CSMD1: variants seen among roughly 807,000 people sequenced by gnomAD.
CSMD1 encodes the protein CUB and Sushi multiple domains 1, also known as CUB and sushi domain-containing protein 1.
CSMD1 carries 213 observed loss-of-function variants against 417.5 expected under a neutral mutation model. That is an observed-to-expected ratio of 0.51 (90% CI 0.46 to 0.57). The LOEUF is 0.57. CSMD1 is among the 20% of genes least tolerant of loss of function. CSMD1 has a pLI of 0.00. For missense variants in CSMD1, 6,923 were observed against 4,529.7 expected, an observed-to-expected ratio of 1.53 and a Z score of -15.17; for synonymous variants, 2,862 against 1,736.8, an observed-to-expected ratio of 1.65 and a Z score of -16.11.
chr8:3,015,134 T>G (rs1158479514), intron 52 of CSMD1, among the ~76,000 whole-genome samples: 2 of 152,148 alleles, frequency 1.3e-5, no homozygotes, highest in African/African-American at 2.4e-5. Context: ...GCATCCATTT[T>G]CATACCAGTT....
chr8:3,567,527 G>A (rs1446753521), intron 10 of CSMD1, among the ~76,000 whole-genome samples: 2 of 149,858 alleles, frequency 1.3e-5, no homozygotes, highest in Non-Finnish European at 3.0e-5. Context: ...GGAAGGGGAT[G>A]GGGGAGGGGA....
intron 11 of CSMD1, among the ~76,000 whole-genome samples, chr8:3,473,623 GA>G (rs1327050889): frequency 6.6e-6 from 1 of 152,128 alleles, no homozygotes; most frequent in Non-Finnish European, 1.5e-5. Flanking sequence ...AATAATACCT[GA>G]AAAATAAAAT....
chr8:3,037,002 G>C (rs908647879), intron 50 of CSMD1, among the ~76,000 whole-genome samples: 48 of 152,088 alleles, frequency 3.2e-4, no homozygotes, highest in Admixed American at 3.0e-3. Flanking sequence ...AGTCCCCAGA[G>C]TCCACTGTAT....
At chr8:4,327,703 T>C (rs1382932529) in intron 3 of CSMD1, among the ~76,000 whole-genome samples, 1 of 152,200 alleles carries the variant, frequency 6.6e-6, no homozygotes, top group African/African-American at 2.4e-5. Flanking sequence ...ACATAGGTAT[T>C]AGAAGTTTAA....
chr8:4,580,804 A>T (rs1799378149), intron 2 of CSMD1, among the ~76,000 whole-genome samples: 1 of 152,220 alleles, frequency 6.6e-6, no homozygotes, highest in Non-Finnish European at 1.5e-5. Flanking sequence ...ATTATATCCT[A>T]TCTTAAAAAG....
At chr8:4,905,323 A>G (rs530167216) in intron 1 of CSMD1, among the ~76,000 whole-genome samples, 3 of 152,290 alleles carry the variant, frequency 2.0e-5, no homozygotes, top group African/African-American at 7.2e-5. Context: ...TGTGTCAAGT[A>G]ATATCATAAA....
intron 46 of CSMD1, among the ~76,000 whole-genome samples, chr8:3,103,739 CT>C (rs35949402): frequency 0.02 from 2,470 of 123,948 alleles, 28 homozygotes; most frequent in East Asian, 0.039. Context: ...AATCAAATTC[CT>C]TTTTTTTTTA....
intron 3 of CSMD1, among the ~76,000 whole-genome samples, chr8:4,255,376 C>T (rs1156929423): frequency 6.6e-6 from 1 of 152,070 alleles, no homozygotes; most frequent in Admixed American, 6.6e-5. Flanking sequence ...AGAAAGGTGA[C>T]TGAGCAAAAA....
At chr8:3,117,792 C>G (rs1220686987) in intron 42 of CSMD1, among the ~76,000 whole-genome samples, 1 of 152,138 alleles carries the variant, frequency 6.6e-6, no homozygotes, top group Non-Finnish European at 1.5e-5. Context: ...CTCCGTAGAG[C>G]CCCTCTTGCA....
intron 5 of CSMD1, among the ~76,000 whole-genome samples, chr8:3,798,171 T>C (rs547811389): frequency 4.8e-4 from 73 of 152,178 alleles, no homozygotes; most frequent in Middle Eastern, 3.4e-3. Flanking sequence ...TTTTATTAGA[T>C]AAAACAATTT....
chr8:4,187,853 C>T (rs1798777370), intron 3 of CSMD1, among the ~76,000 whole-genome samples: 1 of 151,972 alleles, frequency 6.6e-6, no homozygotes, highest in African/African-American at 2.4e-5. Context: ...ATTTCATAGG[C>T]AGTTTTATAC....
rs147707001 is a variant in CSMD1 at position 4,927,932 on chromosome 8, A to G, written c.85+66400T>C. Among the ~76,000 whole-genome samples, 38 of 152,262 alleles carry G rather than the reference A, an allele frequency of 2.5e-4. No individual in the cohort carries two copies. In the East Asian group the frequency reaches 7.4e-3, roughly 29 times the overall value. ...CTCTAACAGATGAAAATCATTTTCT[A>G]AGTGTTTTCCACACTACATCTCCAG... On this transcript the variant is annotated intron_variant, in intron 1 of 69. Coordinates refer to ENST00000635120, the MANE Select transcript of CSMD1 (RefSeq NM_033225.6).
chr8:4,293,471 T>C (rs1018483339), intron 3 of CSMD1, among the ~76,000 whole-genome samples: 1 of 152,206 alleles, frequency 6.6e-6, no homozygotes, highest in Non-Finnish European at 1.5e-5. Flanking sequence ...AAATTATTAT[T>C]TATATATCTA....
chr8:4,391,394 C>T (rs1332202612), intron 3 of CSMD1, among the ~76,000 whole-genome samples: 1 of 152,066 alleles, frequency 6.6e-6, no homozygotes, highest in Non-Finnish European at 1.5e-5. Context: ...TGATGTAAGA[C>T]TTTGAAGACT....
intron 67 of CSMD1, among the ~76,000 whole-genome samples, chr8:2,949,676 G>A (rs372798740): frequency 2.9e-5 from 1 of 34,066 alleles, no homozygotes; most frequent in African/African-American, 4.7e-5. Context: ...CTTTCTAAGG[G>A]AACACAAACG....
intron 3 of CSMD1, among the ~76,000 whole-genome samples, chr8:4,209,851 T>C (rs1800204211): frequency 6.6e-6 from 1 of 152,138 alleles, no homozygotes. Context: ...TAAGGAGCGG[T>C]TAATGCAGAA....
chr8:3,353,004 G>T (rs1281270217), intron 21 of CSMD1, among the ~76,000 whole-genome samples: 1 of 152,162 alleles, frequency 6.6e-6, no homozygotes, highest in Non-Finnish European at 1.5e-5. Flanking sequence ...ACATGCTCAA[G>T]ATCACACAGG....
intron 3 of CSMD1, among the ~76,000 whole-genome samples, chr8:4,333,730 G>C (rs1183134467): frequency 2.0e-5 from 3 of 152,104 alleles, no homozygotes; most frequent in African/African-American, 4.8e-5. Flanking sequence ...TACAATGACA[G>C]ATTCCAAGAT....
At chr8:3,804,951 C>G (rs1800645665) in intron 5 of CSMD1, among the ~76,000 whole-genome samples, 1 of 152,152 alleles carries the variant, frequency 6.6e-6, no homozygotes, top group African/African-American at 2.4e-5. Flanking sequence ...GACTTCTCCA[C>G]CTCTGTGGCC....
Sources: allele counts gnomAD v4.1 joint callset (sites outside exome capture counted in the v4.1 genomes callset), GRCh38; gene constraint gnomAD v4.1.1; transcripts MANE v1.5; gene names NCBI Gene and HGNC (gene_info 2026-07-23, HGNC 2026-07-21).